Variants in PDXDC1 observed in about 807,000 individuals in gnomAD.
PDXDC1 encodes the protein pyridoxal dependent decarboxylase domain containing 1.
Under a neutral mutation model 100.1 loss-of-function variants are expected in PDXDC1, and 42 were observed. The ratio of observed to expected loss-of-function variants is 0.42; its 90% CI spans 0.33 to 0.54. PDXDC1 has a LOEUF of 0.54. PDXDC1 is among the 20% of genes least tolerant of loss of function. The pLI is 0.10. For missense variants in PDXDC1, 636 were observed against 979.2 expected, an observed-to-expected ratio of 0.65 and a Z score of 4.68; for synonymous variants, 260 against 371.7, an observed-to-expected ratio of 0.70 and a Z score of 3.46.
At chr16:15,072,871 C>T (rs2045295743) in intron 16 of PDXDC1, 14 of 1,417,120 alleles carry the variant, frequency 9.9e-6, no homozygotes, top group South Asian at 2.4e-5. Context: ...TCATGGTCTC[C>T]GTCCACCCCA....
At chr16:15,087,686 G>A (rs975692841) in intron 16 of PDXDC1, among the ~76,000 whole-genome samples, 6 of 152,228 alleles carry the variant, frequency 3.9e-5, no homozygotes, top group Admixed American at 6.5e-5. Flanking sequence ...TAACATTAAC[G>A]GTAGCTCACT....
chr16:15,046,090 G>T (rs971315021), intron 16 of PDXDC1: 1 of 152,260 alleles, frequency 6.6e-6, no homozygotes, highest in Non-Finnish European at 1.5e-5. Context: ...CAACATAATG[G>T]CATTGATTAC....
chr16:15,142,879 G>A (rs1375937514), downstream of PDXDC1, among the ~76,000 whole-genome samples: 3 of 152,024 alleles, frequency 2.0e-5, no homozygotes, highest in Admixed American at 6.6e-5. Context: ...CAGGACCACC[G>A]AGCGGCCCTA....
chr16:15,065,983 A>G (rs1014963334), intron 16 of PDXDC1, among the ~76,000 whole-genome samples: 4 of 152,246 alleles, frequency 2.6e-5, no homozygotes, highest in African/African-American at 7.2e-5. Context: ...TTATGTTTTT[A>G]ATTTTTCCAG....
chr16:14,996,998 G>A (rs1175153123), intron 1 of PDXDC1, among the ~76,000 whole-genome samples: 5 of 152,286 alleles, frequency 3.3e-5, no homozygotes, highest in African/African-American at 7.2e-5. Context: ...ATGCGTTGCC[G>A]GTACCCTGGG....
chr16:15,130,373 C>T, intron 16 of PDXDC1: 5 of 1,572,134 alleles, frequency 3.2e-6, no homozygotes, highest in South Asian at 1.2e-5. Flanking sequence ...GGGACGTGTA[C>T]AGGCCCACGG....
intron 16 of PDXDC1, chr16:15,083,405 G>T (rs1477126437): frequency 2.7e-5 from 40 of 1,492,772 alleles, no homozygotes; most frequent in Non-Finnish European, 3.1e-5. Flanking sequence ...TCTCAAAAAA[G>T]AAAAAGAAAA....
At chr16:15,128,950 C>T (rs1055192643) in intron 16 of PDXDC1, among the ~76,000 whole-genome samples, 2 of 149,344 alleles carry the variant, frequency 1.3e-5, no homozygotes, top group East Asian at 2.0e-4. Flanking sequence ...GGACTACAGG[C>T]GCCTGCCAAC....
chr16:15,053,640 G>A (rs1204222159), intron 16 of PDXDC1, among the ~76,000 whole-genome samples: 1 of 152,164 alleles, frequency 6.6e-6, no homozygotes, highest in East Asian at 1.9e-4. Flanking sequence ...GCCAGGTGGA[G>A]TGGCTCACAC....
chr16:15,023,953 GC>G (rs1451108965), intron 13 of PDXDC1, among the ~76,000 whole-genome samples: 5 of 152,274 alleles, frequency 3.3e-5, no homozygotes, highest in Non-Finnish European at 7.3e-5. Context: ...GCAAATTATG[GC>G]CTAGATTGAG....
At chr16:15,003,746 G>A (rs1278226478) in intron 4 of PDXDC1, among the ~76,000 whole-genome samples, 1 of 152,350 alleles carries the variant, frequency 6.6e-6, no homozygotes, top group African/African-American at 2.4e-5. Context: ...ACTTTGGGAG[G>A]CCGAGGCAGG....
the PDXDC1 span, among the ~76,000 whole-genome samples, chr16:15,149,719 G>A: frequency 6.6e-6 from 1 of 152,122 alleles, no homozygotes; most frequent in African/African-American, 2.4e-5. Context: ...GCCCAGTCCT[G>A]GACCCCAGCA....
intron 4 of PDXDC1, among the ~76,000 whole-genome samples, chr16:15,003,874 C>G (rs1392803688): frequency 6.6e-6 from 1 of 152,244 alleles, no homozygotes; most frequent in African/African-American, 2.4e-5. Context: ...ATTCCAGCTA[C>G]TCGGGAGGCT....
chr16:15,099,691 T>G (rs988466632), intron 16 of PDXDC1, among the ~76,000 whole-genome samples: 1 of 152,124 alleles, frequency 6.6e-6, no homozygotes, highest in Non-Finnish European at 1.5e-5. Context: ...AGGATTAACA[T>G]GCTATCTGCA....
At chr16:15,071,663 G>C (rs1172076031) in intron 16 of PDXDC1, among the ~76,000 whole-genome samples, 1 of 152,200 alleles carries the variant, frequency 6.6e-6, no homozygotes, top group African/African-American at 2.4e-5. Context: ...AGCTACTTGG[G>C]AGGCTGAGGC....
intron 16 of PDXDC1, chr16:15,060,129 T>C (rs1281626268): frequency 2.8e-6 from 1 of 352,692 alleles, no homozygotes; most frequent in Non-Finnish European, 5.6e-6. Context: ...ACAAACTCCT[T>C]TGAAATTAAA....
chr16:15,071,180 C>T, intron 16 of PDXDC1: 4 of 1,611,168 alleles, frequency 2.5e-6, no homozygotes, highest in Non-Finnish European at 3.4e-6. Flanking sequence ...CAGCAGCCTG[C>T]CTGATGATGG....
At chr16:15,129,234 C>T (rs958481681) in intron 16 of PDXDC1, among the ~76,000 whole-genome samples, 23 of 151,562 alleles carry the variant, frequency 1.5e-4, no homozygotes, top group Admixed American at 1.0e-3. Flanking sequence ...TCTGGCAGGC[C>T]GAGGCAGGCG....
intron 6 of PDXDC1, among the ~76,000 whole-genome samples, chr16:15,008,322 A>G (rs1352985209): frequency 6.6e-6 from 1 of 152,288 alleles, no homozygotes; most frequent in Non-Finnish European, 1.5e-5. Context: ...TCTCTTGAGA[A>G]ATGTGCATCT....
Sources: gnomAD v4.1 joint callset for allele counts (sites outside exome capture counted in the v4.1 genomes callset) on GRCh38, gnomAD v4.1.1 for gene constraint, MANE v1.5 for transcripts, NCBI Gene and HGNC (gene_info 2026-07-23, HGNC 2026-07-21) for gene names.